HMCN1: variants seen among roughly 807,000 people sequenced by gnomAD.
HMCN1 encodes hemicentin-1.
HMCN1 carries 321 observed loss-of-function variants against 625.9 expected under a neutral mutation model. That is an observed-to-expected ratio of 0.51 (90% CI 0.47 to 0.56). The LOEUF (loss-of-function observed/expected upper bound fraction) is 0.56, where lower values mean the gene tolerates loss of function less well. HMCN1 is among the 20% of genes least tolerant of loss of function. The pLI is 0.00. For synonymous variants in HMCN1, 2,425 were observed against 2,417.6 expected (o/e 1.00, Z -0.09); for missense variants, 6,588 against 6,887.3 (o/e 0.96, Z 1.54).
chr1:186,119,923 T>A, intron 79 of HMCN1, 41 bp downstream of exon 79: 1 of 1,613,992 alleles, frequency 6.2e-7, no homozygotes, highest in Non-Finnish European at 8.5e-7. Flanking sequence ...TCATAGCACA[T>A]CAGTGTTTTA....
intron 80 of HMCN1, among the ~76,000 whole-genome samples, chr1:186,120,764 T>C (rs570022640): frequency 1.3e-5 from 2 of 152,330 alleles, no homozygotes; most frequent in South Asian, 4.1e-4. Context: ...ATATTATAAA[T>C]CTAATTGGTT....
intron 85 of HMCN1, 69 bp downstream of exon 85, chr1:186,130,766 A>AG (rs1331229801): frequency 2.3e-6 from 3 of 1,313,632 alleles, no homozygotes; most frequent in African/African-American, 2.9e-5. Flanking sequence ...TGAGTGCCAT[A>AG]GATAAGAAAC....
chr1:185,765,733 C>T (rs1399039315), intron 1 of HMCN1, among the ~76,000 whole-genome samples: 2 of 152,102 alleles, frequency 1.3e-5, no homozygotes, highest in African/African-American at 2.4e-5. Flanking sequence ...AAAAGGTGGT[C>T]CCTGGACTAG....
intron 83 of HMCN1, among the ~76,000 whole-genome samples, chr1:186,128,640 C>T (rs1327826804): frequency 6.6e-6 from 1 of 151,990 alleles, no homozygotes; most frequent in African/African-American, 2.4e-5. Context: ...AAGATGGCCG[C>T]TGTTGGAGTC....
At chr1:186,053,782 T>C in intron 43 of HMCN1, 43 bp from the exon 44 acceptor site, 1 of 1,602,482 alleles carries the variant, frequency 6.2e-7, no homozygotes, top group Middle Eastern at 1.7e-4. Flanking sequence ...ACAAAATGCT[T>C]TACATTTCTG....
intron 13 of HMCN1, among the ~76,000 whole-genome samples, chr1:185,964,139 T>C (rs1650233019): frequency 6.6e-6 from 1 of 152,146 alleles, no homozygotes; most frequent in Admixed American, 6.6e-5. Context: ...TTTCATATTG[T>C]CCACAAAGTT....
At chr1:186,132,664 A>ATACTT (rs1175332633) in intron 86 of HMCN1, among the ~76,000 whole-genome samples, 1 of 149,358 alleles carries the variant, frequency 6.7e-6, no homozygotes, top group African/African-American at 2.5e-5. Context: ...TTTTTTTATT[A>ATACTT]TACTTTAAGT....
intron 1 of HMCN1, among the ~76,000 whole-genome samples, chr1:185,807,344 T>A (rs1659232460): frequency 6.6e-6 from 1 of 152,214 alleles, no homozygotes; most frequent in Non-Finnish European, 1.5e-5. Flanking sequence ...AACTTAGCTG[T>A]TATACAGCCT....
chr1:185,992,097 GCA>G (rs1652469951), intron 22 of HMCN1, among the ~76,000 whole-genome samples: 1 of 152,136 alleles, frequency 6.6e-6, no homozygotes, highest in Admixed American at 6.5e-5. Flanking sequence ...TAAATCTGTT[GCA>G]CAGTTTTCTG....
chr1:185,857,605 T>C (rs73054419), intron 2 of HMCN1, among the ~76,000 whole-genome samples: 4,644 of 152,010 alleles, frequency 0.031, 256 homozygotes, highest in African/African-American at 0.11. Context: ...AGATCAAACA[T>C]AGGGGGAGTT....
At position 186,088,126 on chromosome 1, in the gene HMCN1, G is replaced by T; in HGVS notation, c.9446-19G>T. The T allele has an allele frequency of 6.2e-7, 1 of 1,602,800 alleles. No homozygotes were observed. The highest frequency in any genetic ancestry group is 8.5e-7 in the Non-Finnish European group (1 of 1,173,432). ...TTTTCTTCTGTTTTTTTGTTTGTTTGTTTGTTTGTTTTTTACAGTGCCACC... is the reference window on the plus strand; with the variant it reads ...TTTTCTTCTGTTTTTTTGTTTGTTTTTTTGTTTGTTTTTTACAGTGCCACC... On this transcript the variant is annotated intron_variant, in intron 61 of 106. Transcript: ENST00000271588.
intron 1 of HMCN1, among the ~76,000 whole-genome samples, chr1:185,780,381 T>C: frequency 1.3e-5 from 2 of 152,204 alleles, no homozygotes; most frequent in Non-Finnish European, 2.9e-5. Context: ...CTTCCAACAC[T>C]ATGTTGAATA....
chr1:185,751,137 C>G (rs192862460), intron 1 of HMCN1, among the ~76,000 whole-genome samples: 130 of 152,210 alleles, frequency 8.5e-4, no homozygotes, highest in African/African-American at 3.0e-3. Context: ...CCTACTCCTT[C>G]ATTTTGGATT....
chr1:185,780,845 G>T (rs1221231044), intron 1 of HMCN1, among the ~76,000 whole-genome samples: 1 of 152,124 alleles, frequency 6.6e-6, no homozygotes, highest in Non-Finnish European at 1.5e-5. Flanking sequence ...TTTGGTATCA[G>T]GATGATGCTG....
intron 97 of HMCN1, 81 bp from the exon 98 acceptor site, chr1:186,165,030 C>G: frequency 8.3e-7 from 1 of 1,204,006 alleles, no homozygotes. Flanking sequence ...GGCATATCTT[C>G]CCAGGGAAGA....
At chr1:186,007,303 C>T in intron 30 of HMCN1, 21 bp downstream of exon 30, 1 of 1,610,260 alleles carries the variant, frequency 6.2e-7, no homozygotes, top group Non-Finnish European at 8.5e-7. Context: ...TTGTCTTATG[C>T]TTTTTATTGT....
At chr1:186,044,617 GAACATTTTAGTAC>G (rs1656438302) in intron 40 of HMCN1, among the ~76,000 whole-genome samples, 1 of 152,004 alleles carries the variant, frequency 6.6e-6, no homozygotes, top group Non-Finnish European at 1.5e-5. Context: ...GTTTCTACCA[GAACATTTTAGTAC>G]AACTTAACCT....
At chr1:186,161,268 G>T (rs565719904) in intron 97 of HMCN1, among the ~76,000 whole-genome samples, 1 of 151,402 alleles carries the variant, frequency 6.6e-6, no homozygotes, top group Admixed American at 6.6e-5. Flanking sequence ...TTTTCCATTT[G>T]CTTGGTAGAT....
In HMCN1 at chr1:186,017,004, A is replaced by G. The variant is rs1654410175; in HGVS notation, c.5233A>G (p.Ile1745Val). The G allele has an allele frequency of 1.2e-6, 2 of 1,609,800 alleles. No individual in the cohort carries two copies. Among genetic ancestry groups the G allele is most frequent in the Admixed American group, 3.3e-5 (2 of 59,910 alleles). ...AGGAGGAGATGAAACATCTTACTTC[A>G]TTGTGATGGTTAATAACTTACTGGA... Reference protein sequence around the residue: ...IEGGDETSYFIVMVNNLLELD... With the variant: ...IEGGDETSYFVVMVNNLLELD... Residue 1745 changes from isoleucine (I) to valine (V), a missense_variant, in exon 33 of 107, where the codon ATT (isoleucine) becomes GTT (valine). Ile to Val is a conservative substitution (Grantham distance 29). This residue lies in a region of HMCN1 where 4,628 missense variants were observed against 4,853.1 expected (regional missense o/e 0.95). Coordinates refer to ENST00000271588, the MANE Select transcript of HMCN1 (RefSeq NM_031935.3).
Sources: gnomAD v4.1 joint callset for allele counts (sites outside exome capture counted in the v4.1 genomes callset) on GRCh38, gnomAD v4.1.1 for gene constraint, gnomAD v4.1.1 regional missense constraint, MANE v1.5 for transcripts, NCBI Gene and HGNC (gene_info 2026-07-23, HGNC 2026-07-21) for gene names.